The following ATP2A1 variants were observed in gnomAD, a reference collection of about 807,000 sequenced individuals.
ATP2A1 encodes sarcoplasmic/endoplasmic reticulum calcium ATPase 1.
ATP2A1 carries 83 observed loss-of-function variants against 109.5 expected under a neutral mutation model. The observed-to-expected ratio is 0.76, with a 90% confidence interval of 0.63 to 0.91. The LOEUF is 0.91. Ranked by LOEUF, ATP2A1 falls within the 40% of genes least tolerant of loss-of-function variation. The pLI is 0.00. For synonymous variants in ATP2A1, 505 were observed against 537.6 expected (o/e 0.94, Z 0.84); for missense variants, 1,101 against 1,341.0 (o/e 0.82, Z 2.80).
At chr16:28,895,011 A>C in intron 12 of ATP2A1, 58 bp downstream of exon 12, 1 of 1,601,362 alleles carries the variant, frequency 6.2e-7, no homozygotes, top group Non-Finnish European at 8.5e-7. Context: ...CATAGACTAG[A>C]GGAAGGCAGA....
intron 9 of ATP2A1, among the ~76,000 whole-genome samples, chr16:28,893,221 CAAA>C (rs796830433): frequency 2.7e-5 from 3 of 112,684 alleles, no homozygotes; most frequent in African/African-American, 3.1e-5. Context: ...CAATTTCTAC[CAAA>C]AAAAAAAAAA....
In ATP2A1 at chr16:28,880,067, A is replaced by G. The variant is rs949832268; in HGVS notation, c.219+484A>G. 1.9e-5 allele frequency: 19 copies of G among 1,004,082 alleles called. No individual in the cohort carries two copies. Among genetic ancestry groups the G allele is most frequent in the Non-Finnish European group, 2.2e-5 (19 of 844,610 alleles). The allele number at this position is 1,004,082 out of a possible 1,614,324, so 62.2% of individuals were successfully genotyped here. A position where few individuals can be genotyped will look rare whatever the true frequency, so the allele number is the denominator to read the frequency against. ...AGTGGCGGGAAAGCGCGGCGGTGTG[A>G]TGATGACTCCAAGGAGCCCGGCGCC... is the stretch of plus-strand genomic sequence containing the variant. On this transcript the variant is annotated intron_variant, in intron 3 of 22. Coordinates refer to ENST00000395503, the MANE Select transcript of ATP2A1 (RefSeq NM_004320.6). The surrounding 1 kb of genome is among the most constrained non-coding windows in gnomAD (Gnocchi z 4.2).
chr16:28,903,915 T>C lies in ATP2A1; in HGVS notation c.*37+174T>C. 1.3e-6 allele frequency: 1 copy of C among 764,166 alleles called. No homozygotes were observed. Among genetic ancestry groups the C allele is most frequent in the Non-Finnish European group, 2.3e-6 (1 of 441,972 alleles). The allele number at this position is 764,166 out of a possible 1,614,324, so 47.3% of individuals were successfully genotyped here. On this transcript the variant is annotated intron_variant, in intron 22 of 22. Transcript: ENST00000395503. The surrounding 1 kb of genome is among the most constrained non-coding windows in gnomAD (Gnocchi z 5.6). ...TGGGCCGCTGGCCTCCCACTGGGCG[T>C]CAGTTTGGCTCCCAGGCCCTGGGCA...
At chr16:28,895,113 G>C (rs1313192815) in intron 12 of ATP2A1, among the ~76,000 whole-genome samples, 160 bp downstream of exon 12, 1 of 152,234 alleles carries the variant, frequency 6.6e-6, no homozygotes, top group Non-Finnish European at 1.5e-5. Flanking sequence ...GATGTGGGTG[G>C]GACCCATTGT....
Position 28,883,088 on chromosome 16 carries a change from G to A in ATP2A1, c.463+499G>A, listed in dbSNP as rs542751504. ...CAGGCCTGGCACAGAGCACGCGACC[G>A]GGGAGGAGGGAGCTCAAGGAGGGCC... On this transcript the variant is annotated intron_variant, in intron 5 of 22. Transcript: ENST00000395503. The surrounding 1 kb of genome is among the most constrained non-coding windows in gnomAD (Gnocchi z 5.2). Among the ~76,000 whole-genome samples, 6 of 152,230 alleles carry A rather than the reference G, an allele frequency of 3.9e-5. No individual in the cohort carries two copies. The highest frequency in any genetic ancestry group is 5.9e-5 in the Non-Finnish European group (4 of 68,028).
chr16:28,900,250 A>G (rs1274125876), intron 14 of ATP2A1, among the ~76,000 whole-genome samples: 1 of 151,148 alleles, frequency 6.6e-6, no homozygotes, highest in Non-Finnish European at 1.5e-5. Flanking sequence ...GCAGTGAGCT[A>G]TGATCGCACC....
In ATP2A1 at chr16:28,892,567, C is replaced by A. The variant is rs1221723456; in HGVS notation, c.1096-1588C>A. On this transcript the variant is annotated intron_variant, in intron 9 of 22. Coordinates refer to ENST00000395503, the MANE Select transcript of ATP2A1 (RefSeq NM_004320.6). Reference sequence around the variant, plus strand: ...AGAGGTTCCCAAGTTTTTTTTCTGACCACAGAACTTTTTTGTCTTGGAACC... The same window carrying A: ...AGAGGTTCCCAAGTTTTTTTTCTGAACACAGAACTTTTTTGTCTTGGAACC... The A allele has an allele frequency of 1.9e-5, 3 of 157,394 alleles. No homozygotes were observed. The Admixed American group carries it at 2.0e-4, about 10-fold the overall frequency. The allele number at this position is 157,394 out of a possible 1,614,324, so 9.7% of individuals were successfully genotyped here.
In ATP2A1 at chr16:28,887,535, C is replaced by T; in HGVS notation, c.741C>T (p.Thr247=). ...TGGCTGCCACAGAACAGGACAAGAC[C>T]CCCTTGCAGCAGAAGCTGGATGAGT... ...DQMAATEQDK[T]PLQQKLDEFG... is the part of the protein sequence containing the mutation. Residue 247 remains threonine (T), a synonymous_variant, in exon 8 of 23, where the codon ACC becomes ACT. Coordinates refer to ENST00000395503, the MANE Select transcript of ATP2A1 (RefSeq NM_004320.6). The T allele has an allele frequency of 2.5e-6, 4 of 1,613,888 alleles. No homozygotes were observed. Among genetic ancestry groups the T allele is most frequent in the Non-Finnish European group, 3.4e-6 (4 of 1,180,004 alleles).
Position 28,883,328 on chromosome 16 carries a change from GGAGT to G in ATP2A1, c.463+743_463+746del, listed in dbSNP as rs1963538922. Reference sequence around the variant, plus strand: ...ACCACCCCAGGGAGCTTGGGCAGAGGGAGTGAGGGCAGGCTGAAGACCCCAGCGC... The same window carrying G: ...ACCACCCCAGGGAGCTTGGGCAGAGGGAGGGCAGGCTGAAGACCCCAGCGC... On this transcript the variant is annotated intron_variant, in intron 5 of 22. Transcript: ENST00000395503. This position sits in a 1 kb window ranked among gnomAD's most constrained non-coding sequence, Gnocchi z 5.2. Among the ~76,000 whole-genome samples the G allele has an allele frequency of 6.6e-6, 1 of 152,224 alleles. No homozygotes were observed.
At position 28,903,182 on chromosome 16, in the gene ATP2A1, G is replaced by A. The variant is rs770965634; in HGVS notation, c.2862+35G>A. The A allele has an allele frequency of 1.9e-6, 3 of 1,608,680 alleles. No individual in the cohort carries two copies. Among genetic ancestry groups the A allele is most frequent in the Non-Finnish European group, 2.6e-6 (3 of 1,175,858 alleles). ...CTTCCGCCCAGGGCCGCCCACCCCA[G>A]CACTGGGGAGCCCACGGCGGGCCCA... On this transcript the variant is annotated intron_variant, in intron 20 of 22. Transcript: ENST00000395503. This position sits in a 1 kb window ranked among gnomAD's most constrained non-coding sequence, Gnocchi z 5.6.
intron 6 of ATP2A1, among the ~76,000 whole-genome samples, chr16:28,885,323 G>A (rs932997640): frequency 6.6e-6 from 1 of 151,254 alleles, no homozygotes; most frequent in Non-Finnish European, 1.5e-5. Flanking sequence ...AGTAGTGGCT[G>A]TGGCAGTGGC....
In ATP2A1 at chr16:28,903,543, A is replaced by G. The variant is rs1466870794; in HGVS notation, c.2980+103A>G. 3 of 1,264,568 alleles carry G rather than the reference A, an allele frequency of 2.4e-6. No individual in the cohort carries two copies. The African/African-American group carries it at 5.1e-5, about 21-fold the overall frequency. 78.3% of individuals were successfully genotyped at this position (1,264,568 alleles called of 1,614,324 possible). ...GTACTTTGCAGGTGGTAAGTTTCTC[A>G]GCCCTGGCAGGACCTGTGTCCGCCC... On this transcript the variant is annotated intron_variant, in intron 21 of 22. Coordinates refer to ENST00000395503, the MANE Select transcript of ATP2A1 (RefSeq NM_004320.6). This position sits in a 1 kb window ranked among gnomAD's most constrained non-coding sequence, Gnocchi z 5.6.
chr16:28,900,451 A>G (rs1187563449), intron 14 of ATP2A1, 130 bp from the exon 15 acceptor site: 1 of 904,662 alleles, frequency 1.1e-6, no homozygotes, highest in South Asian at 1.9e-5. Context: ...CGGCAAGCCC[A>G]GGGTTCAGGC....
intron 6 of ATP2A1, among the ~76,000 whole-genome samples, chr16:28,886,348 C>T (rs1022068339): frequency 5.9e-5 from 9 of 152,056 alleles, no homozygotes; most frequent in Admixed American, 2.6e-4. Context: ...GTAAAACCAC[C>T]ATAGCTGCTT....
rs763657927 is a variant in ATP2A1 at position 28,902,710 on chromosome 16, G to A, written c.2610+45G>A. 6.2e-7 allele frequency: 1 copy of A among 1,613,912 alleles called. No homozygotes were observed. Among genetic ancestry groups the A allele is most frequent in the Non-Finnish European group, 8.5e-7 (1 of 1,179,876 alleles). On this transcript the variant is annotated intron_variant, in intron 18 of 22. Coordinates refer to ENST00000395503, the MANE Select transcript of ATP2A1 (RefSeq NM_004320.6). This position sits in a 1 kb window ranked among gnomAD's most constrained non-coding sequence, Gnocchi z 4.8. The stretch of plus-strand genomic sequence containing the variant: ...GAGGGGACCAGGAGGGTGTGGGGAT[G>A]CAGGAGGGTACCAGGAGGGTGGCAT...
chr16:28,889,982 A>C (rs1240696696), intron 9 of ATP2A1, among the ~76,000 whole-genome samples: 4 of 152,070 alleles, frequency 2.6e-5, no homozygotes, highest in Non-Finnish European at 2.9e-5. Flanking sequence ...TCTCTACTAA[A>C]AATACAAAAA....
chr16:28,879,065 A>G (rs1274095025), intron 1 of ATP2A1, 34 bp from the exon 2 acceptor site: 1 of 1,614,024 alleles, frequency 6.2e-7, no homozygotes, highest in African/African-American at 1.3e-5. Flanking sequence ...TGAACCCCAA[A>G]TGAATCTGTC....
chr16:28,889,279 CAG>C (rs1348878043), intron 9 of ATP2A1, among the ~76,000 whole-genome samples: 4 of 152,036 alleles, frequency 2.6e-5, no homozygotes, highest in Admixed American at 6.6e-5. Flanking sequence ...TATTTTGAGA[CAG>C]AGTCTCACTC....
At chr16:28,884,451 T>G in intron 5 of ATP2A1, 124 bp from the exon 6 acceptor site, 1 of 927,814 alleles carries the variant, frequency 1.1e-6, no homozygotes, top group Middle Eastern at 2.1e-4. Context: ...ATGCAAGCCC[T>G]GGGAGCCTCC....
Sources: gnomAD v4.1 joint callset for allele counts (sites outside exome capture counted in the v4.1 genomes callset) on GRCh38, gnomAD v4.1.1 for gene constraint, Gnocchi (gnomAD v3.1) non-coding constraint, MANE v1.5 for transcripts, NCBI Gene and HGNC (gene_info 2026-07-23, HGNC 2026-07-21) for gene names.